Variants in ADARB2 observed in about 807,000 individuals in gnomAD.
ADARB2 encodes the protein adenosine deaminase RNA specific B2 (inactive).
Under a neutral mutation model 62.2 loss-of-function variants are expected in ADARB2, and 25 were observed. The ratio of observed to expected loss-of-function variants is 0.40; its 90% CI spans 0.29 to 0.56. ADARB2 has a LOEUF of 0.56. ADARB2 is among the 20% of genes least tolerant of loss of function. The pLI, the probability that ADARB2 is intolerant of heterozygous loss-of-function variation, is 0.43. For synonymous variants in ADARB2, 572 were observed against 500.8 expected, an observed-to-expected ratio of 1.14 and a Z score of -1.90; for missense variants, 1,071 against 1,077.4, an observed-to-expected ratio of 0.99 and a Z score of 0.08.
chr10:1,687,153 A>G (rs1369866014), intron 1 of ADARB2, among the ~76,000 whole-genome samples: 4 of 150,144 alleles, frequency 2.7e-5, no homozygotes, highest in East Asian at 2.0e-4. Context: ...CAGCCTCCCT[A>G]GTAGCTGGGA....
intron 3 of ADARB2, among the ~76,000 whole-genome samples, chr10:1,317,193 T>G (rs537231212): frequency 6.6e-6 from 1 of 152,372 alleles, no homozygotes; most frequent in Admixed American, 6.5e-5. Flanking sequence ...TCACTTGTGC[T>G]TAAAGTCTTA....
At chr10:1,377,207 CGTTTGTGTGCGCCCCTGGGGTGT>C (rs1832440225) in intron 2 of ADARB2, among the ~76,000 whole-genome samples, 3 of 60,354 alleles carry the variant, frequency 5.0e-5, no homozygotes, top group Admixed American at 2.0e-4. Flanking sequence ...GGGGTGTGTG[CGTTTGTGTGCGCCCCTGGGGTGT>C]GTTTGTGTGC....
chr10:1,563,680 G>A (rs1193040107), intron 1 of ADARB2, among the ~76,000 whole-genome samples: 1 of 151,124 alleles, frequency 6.6e-6, no homozygotes, highest in Non-Finnish European at 1.5e-5. Flanking sequence ...TGCACAATGT[G>A]CAGGTCAGTT....
At chr10:1,652,993 G>T (rs1454228554) in intron 1 of ADARB2, among the ~76,000 whole-genome samples, 1 of 152,166 alleles carries the variant, frequency 6.6e-6, no homozygotes, top group Non-Finnish European at 1.5e-5. Context: ...GACGATGGAG[G>T]CCTCCTCCCC....
chr10:1,338,007 A>T (rs1831990332), intron 3 of ADARB2, among the ~76,000 whole-genome samples: 1 of 152,202 alleles, frequency 6.6e-6, no homozygotes, highest in Non-Finnish European at 1.5e-5. Context: ...TAATACTGTC[A>T]TGGTGCTTTG....
At chr10:1,229,341 C>T (rs1249142142) in intron 6 of ADARB2, among the ~76,000 whole-genome samples, 1 of 152,112 alleles carries the variant, frequency 6.6e-6, no homozygotes, top group Non-Finnish European at 1.5e-5. Context: ...GTGGCTGGGG[C>T]TTGGGGAATT....
intron 7 of ADARB2, among the ~76,000 whole-genome samples, chr10:1,211,128 G>A (rs1204656471): frequency 1.3e-5 from 2 of 150,604 alleles, no homozygotes; most frequent in East Asian, 3.9e-4. Context: ...ATCATCTGTC[G>A]ATCAGTCATC....
rs924143759 is a variant in ADARB2 at position 1,729,108 on chromosome 10, G to A, written c.100+7943C>T. 2.6e-5 allele frequency among the ~76,000 whole-genome samples: 4 copies of A among 152,216 alleles called. No homozygotes were observed. The East Asian group carries it at 7.7e-4, about 29-fold the overall frequency. On this transcript the variant is annotated intron_variant, in intron 1 of 9. Coordinates refer to ENST00000381312, the MANE Select transcript of ADARB2 (RefSeq NM_018702.4). ...TTAGAATTCTTTGAGAGCCTGGATA[G>A]TCCTTTAAAAAGGTTATCTGTAGTA... is the stretch of plus-strand genomic sequence containing the variant.
intron 3 of ADARB2, among the ~76,000 whole-genome samples, chr10:1,302,864 A>G (rs948043175): frequency 3.3e-5 from 5 of 152,008 alleles, no homozygotes; most frequent in African/African-American, 1.2e-4. Context: ...CATCCACACC[A>G]AAAACCCATC....
intron 8 of ADARB2, among the ~76,000 whole-genome samples, chr10:1,195,262 C>T (rs927024802): frequency 6.6e-6 from 1 of 152,168 alleles, no homozygotes; most frequent in Non-Finnish European, 1.5e-5. Flanking sequence ...AGGAGAATTG[C>T]AGGTGCCCCT....
Position 1,358,652 on chromosome 10 carries a change from CAA to C in ADARB2, c.1077+4374_1077+4375del, listed in dbSNP as rs542856270. Among the ~76,000 whole-genome samples, 49 of 151,132 alleles carry C rather than the reference CAA, an allele frequency of 3.2e-4. 2 individuals carry two copies. The highest frequency in any genetic ancestry group is 1.2e-3 in the African/African-American group (49 of 41,206). Reference sequence around the variant, plus strand: ...GGAAAGTTTTTTTTTTTCAGCAAAACAAAGATTCTTTTAACATTTGTAGAAAG... The same window carrying C: ...GGAAAGTTTTTTTTTTTCAGCAAAACAGATTCTTTTAACATTTGTAGAAAG... On this transcript the variant is annotated intron_variant, in intron 3 of 9. Coordinates refer to ENST00000381312, the MANE Select transcript of ADARB2 (RefSeq NM_018702.4).
intron 1 of ADARB2, among the ~76,000 whole-genome samples, chr10:1,721,901 C>G (rs11250761): frequency 0.96 from 145,841 of 152,270 alleles, 70,039 homozygotes; most frequent in Non-Finnish European, 1. Flanking sequence ...GGCATGAGAG[C>G]ACCCCTCATT....
intron 1 of ADARB2, among the ~76,000 whole-genome samples, chr10:1,627,065 C>A (rs1261568104): frequency 6.6e-6 from 1 of 152,038 alleles, no homozygotes; most frequent in East Asian, 1.9e-4. Flanking sequence ...CTGGCCTGGA[C>A]GCCTCTCCCT....
intron 1 of ADARB2, among the ~76,000 whole-genome samples, chr10:1,605,862 CA>C (rs1833487261): frequency 6.6e-6 from 1 of 152,092 alleles, no homozygotes; most frequent in Non-Finnish European, 1.5e-5. Context: ...CATTATCTGG[CA>C]AATGAATGTC....
intron 1 of ADARB2, among the ~76,000 whole-genome samples, chr10:1,691,341 T>C (rs149115827): frequency 6.6e-6 from 1 of 152,302 alleles, no homozygotes; most frequent in African/African-American, 2.4e-5. Context: ...AAAATGCATT[T>C]GCATTGGTTA....
At chr10:1,245,825 T>A (rs1002395220) in intron 4 of ADARB2, among the ~76,000 whole-genome samples, 5 of 152,022 alleles carry the variant, frequency 3.3e-5, no homozygotes, top group Admixed American at 6.5e-5. Flanking sequence ...TATAGCAGCA[T>A]GATTTATAAT....
intron 1 of ADARB2, among the ~76,000 whole-genome samples, chr10:1,546,580 C>G (rs571973105): frequency 9.2e-5 from 14 of 152,366 alleles, no homozygotes; most frequent in African/African-American, 3.1e-4. Context: ...GGCAGCAACT[C>G]TCCGTGTCCT....
intron 1 of ADARB2, among the ~76,000 whole-genome samples, chr10:1,576,043 G>A (rs1275799722): frequency 3.4e-5 from 1 of 29,468 alleles, no homozygotes; most frequent in African/African-American, 1.7e-4. Context: ...ACTCGGCGGG[G>A]GGGTCAGGGT....
At chr10:1,362,430 C>T (rs34750838) in intron 3 of ADARB2, among the ~76,000 whole-genome samples, 42,457 of 152,210 alleles carry the variant, frequency 0.28, 6,925 homozygotes, top group Non-Finnish European at 0.37. Flanking sequence ...AACGCCCAGA[C>T]AGTTGAGAAC....
Sources: gnomAD v4.1 joint callset for allele counts (sites outside exome capture counted in the v4.1 genomes callset) on GRCh38, gnomAD v4.1.1 for gene constraint, MANE v1.5 for transcripts, NCBI Gene and HGNC (gene_info 2026-07-23, HGNC 2026-07-21) for gene names.